Variants in SYNPO2 observed in about 807,000 individuals in gnomAD.
The protein encoded by SYNPO2 is synaptopodin-2.
SYNPO2 carries 56 observed loss-of-function variants against 85.0 expected under a neutral mutation model. The ratio of observed to expected loss-of-function variants is 0.66; its 90% CI spans 0.53 to 0.82. The LOEUF is 0.82. Ranked by LOEUF, SYNPO2 falls within the 40% of genes least tolerant of loss-of-function variation. SYNPO2 has a pLI of 0.00. For missense variants in SYNPO2, 1,575 were observed against 1,534.2 expected (o/e 1.03, Z -0.44); for synonymous variants, 602 against 591.1 (o/e 1.02, Z -0.27).
intron 1 of SYNPO2, among the ~76,000 whole-genome samples, chr4:118,864,870 T>C (rs1437044592): frequency 6.6e-6 from 1 of 152,184 alleles, no homozygotes; most frequent in Non-Finnish European, 1.5e-5. Context: ...GCAGGCCAAG[T>C]TACAATAATA....
At chr4:118,877,088 C>A (rs1011489089) in intron 1 of SYNPO2, among the ~76,000 whole-genome samples, 2 of 151,982 alleles carry the variant, frequency 1.3e-5, no homozygotes, top group Non-Finnish European at 2.9e-5. Flanking sequence ...TTGCAGGGAG[C>A]CACTGCACCT....
chr4:118,966,036 C>A (rs1365224533), intron 1 of SYNPO2, among the ~76,000 whole-genome samples: 1 of 152,042 alleles, frequency 6.6e-6, no homozygotes, highest in Non-Finnish European at 1.5e-5. Context: ...GCCTGGGTGA[C>A]ACGGTGAGAC....
chr4:118,878,837 C>T (rs1731978894), intron 1 of SYNPO2, among the ~76,000 whole-genome samples: 1 of 152,202 alleles, frequency 6.6e-6, no homozygotes, highest in Non-Finnish European at 1.5e-5. Context: ...AAAAGCTGGC[C>T]ACCCCAGCCA....
intron 1 of SYNPO2, among the ~76,000 whole-genome samples, chr4:118,962,839 A>G (rs1452813143): frequency 6.6e-6 from 1 of 152,052 alleles, no homozygotes; most frequent in Non-Finnish European, 1.5e-5. Context: ...TCTCCTTACC[A>G]CCCATTAGCC....
At chr4:118,922,580 T>C (rs550247806) in intron 1 of SYNPO2, among the ~76,000 whole-genome samples, 2 of 152,006 alleles carry the variant, frequency 1.3e-5, no homozygotes, top group South Asian at 4.2e-4. Flanking sequence ...TCACAGGATG[T>C]AGATATTTGC....
In SYNPO2 at chr4:119,031,681, C is replaced by T. The variant is rs1437669785; in HGVS notation, c.2906C>T (p.Pro969Leu). ...GCATTAGATGTCATGAAGCACCAAC[C>T]GTATCAGCTCAATGCATCCTTGTTT... Reference protein sequence around the residue: ...LNALDVMKHQPYQLNASLFTF... With the variant: ...LNALDVMKHQLYQLNASLFTF... The change falls in exon 4 of 5, where the codon CCG (proline) becomes CTG (leucine). Residue 969 changes from proline to leucine, a missense_variant. Around this residue, in one of 3 missense-constraint regions of SYNPO2, gnomAD observed 1,508 missense variants for 1,446.8 expected, o/e 1.04. Coordinates refer to ENST00000307142, the MANE Select transcript of SYNPO2 (RefSeq NM_133477.3). The T allele has an allele frequency of 6.2e-6, 10 of 1,614,046 alleles. No individual in the cohort carries two copies. Among genetic ancestry groups the T allele is most frequent in the East Asian group, 2.2e-5 (1 of 44,892 alleles).
At chr4:118,950,762 C>A (rs1441407330) in intron 1 of SYNPO2, among the ~76,000 whole-genome samples, 2 of 152,280 alleles carry the variant, frequency 1.3e-5, no homozygotes, top group African/African-American at 4.8e-5. Context: ...TGAGGTCCCA[C>A]ATGCCAGAGC....
chr4:119,030,915 C>T lies in SYNPO2; in HGVS notation c.2140C>T (p.Leu714Phe), dbSNP rs1306834199. 1 of 1,614,166 alleles carries T rather than the reference C, an allele frequency of 6.2e-7. No individual in the cohort carries two copies. Among genetic ancestry groups the T allele is most frequent in the Non-Finnish European group, 8.5e-7 (1 of 1,180,028 alleles). The stretch of plus-strand genomic sequence containing the variant: ...CCCAAATCCTGAACTCTTGTCACTC[C>T]TTCAAAATTCAGAAGGCAAACGGGG... ...VSPNPELLSL[L>F]QNSEGKRGTG... The change falls in exon 4 of 5, where the codon CTT (leucine) becomes TTT (phenylalanine). Residue 714 changes from leucine (L) to phenylalanine (F), a missense_variant. Around this residue, in one of 3 missense-constraint regions of SYNPO2, gnomAD observed 1,508 missense variants for 1,446.8 expected, o/e 1.04. Coordinates refer to ENST00000307142, the MANE Select transcript of SYNPO2 (RefSeq NM_133477.3).
rs1361504616 is a variant in SYNPO2 at position 119,030,491 on chromosome 4, G to A, written c.1716G>A (p.Gly572=). ...TTCCCCAACAGAATGGCTTCAGTGG[G>A]ACATCTGAGACAGCAAACATCCAGA... ...GHVPQQNGFS[G]TSETANIQRM... The change falls in exon 4 of 5, where the codon GGG becomes GGA. Residue 572 remains glycine, a synonymous_variant. Transcript: ENST00000307142. The A allele has an allele frequency of 1.2e-6, 2 of 1,614,000 alleles. No homozygotes were observed. Among genetic ancestry groups the A allele is most frequent in the East Asian group, 4.5e-5 (2 of 44,854 alleles).
intron 1 of SYNPO2, among the ~76,000 whole-genome samples, chr4:118,907,921 C>T (rs1188704922): frequency 6.6e-6 from 1 of 152,128 alleles, no homozygotes. Context: ...TTAAATGACA[C>T]ATCATGGACG....
In SYNPO2 at chr4:119,054,406, C is replaced by T. The variant is rs538269520; in HGVS notation, c.3253-2995C>T. Among the ~76,000 whole-genome samples, 104 of 152,124 alleles carry T rather than the reference C, an allele frequency of 6.8e-4. No individual in the cohort carries two copies. The Middle Eastern group carries it at 0.014, about 20-fold the overall frequency. ...CACTCGGTGGGTCCCAAGCTCTTGT[C>T]CGGCGTCCAGGAAGAATGAGGTCAC... On this transcript the variant is annotated intron_variant, in intron 4 of 4. Coordinates refer to ENST00000307142, the MANE Select transcript of SYNPO2 (RefSeq NM_133477.3).
chr4:118,860,696 C>T (rs1008164567), intron 1 of SYNPO2, among the ~76,000 whole-genome samples: 2 of 151,794 alleles, frequency 1.3e-5, no homozygotes, highest in Admixed American at 6.6e-5. Context: ...GCTGAGACTA[C>T]AGGTGCATGC....
At chr4:118,961,237 TC>T (rs1025244178) in intron 1 of SYNPO2, among the ~76,000 whole-genome samples, 1 of 151,734 alleles carries the variant, frequency 6.6e-6, no homozygotes, top group East Asian at 2.0e-4. Context: ...GCACAGAATA[TC>T]CCCCCGCAAC....
At chr4:118,893,014 T>C (rs1732426839) in intron 1 of SYNPO2, among the ~76,000 whole-genome samples, 1 of 152,124 alleles carries the variant, frequency 6.6e-6, no homozygotes, top group Non-Finnish European at 1.5e-5. Context: ...TCCAGAAACA[T>C]AGGTATTTCT....
At chr4:118,876,626 C>CTTTT in intron 1 of SYNPO2, among the ~76,000 whole-genome samples, 1 of 151,196 alleles carries the variant, frequency 6.6e-6, no homozygotes, top group African/African-American at 2.4e-5. Context: ...CTTCTTTTCT[C>CTTTT]TTTTCTTTCT....
At chr4:118,960,226 T>G (rs1735031227) in intron 1 of SYNPO2, among the ~76,000 whole-genome samples, 1 of 152,240 alleles carries the variant, frequency 6.6e-6, no homozygotes, top group African/African-American at 2.4e-5. Flanking sequence ...TTCTGTGGTT[T>G]TTAGCCACTA....
At chr4:118,918,024 G>C (rs1222843437) in intron 1 of SYNPO2, among the ~76,000 whole-genome samples, 1 of 152,124 alleles carries the variant, frequency 6.6e-6, no homozygotes, top group East Asian at 1.9e-4. Flanking sequence ...TCAAATTGTT[G>C]AGTTAGGTAG....
intron 4 of SYNPO2, among the ~76,000 whole-genome samples, chr4:119,054,198 G>A (rs1739138093): frequency 6.6e-6 from 1 of 152,258 alleles, no homozygotes; most frequent in African/African-American, 2.4e-5. Flanking sequence ...CCACAGCGGT[G>A]CCCAGGTGGG....
intron 1 of SYNPO2, among the ~76,000 whole-genome samples, chr4:118,968,892 T>C (rs145376588): frequency 1.3e-5 from 2 of 152,348 alleles, no homozygotes; most frequent in African/African-American, 4.8e-5. Context: ...CTTTGAACCC[T>C]GACTAAAACG....
Sources: allele counts gnomAD v4.1 joint callset (sites outside exome capture counted in the v4.1 genomes callset), GRCh38; gene constraint gnomAD v4.1.1; regional missense constraint gnomAD v4.1.1; transcripts MANE v1.5; gene names NCBI Gene and HGNC (gene_info 2026-07-23, HGNC 2026-07-21).